CYP7B1: variants seen among roughly 807,000 people sequenced by gnomAD.
The protein encoded by CYP7B1 is cytochrome P450 7B1.
A neutral mutation model predicts 42.7 loss-of-function variants in CYP7B1; 29 were observed. That is an observed-to-expected ratio of 0.68 (90% CI 0.51 to 0.93). The LOEUF is 0.93. Among genes scored for constraint, CYP7B1 ranks in the 40% least tolerant of loss-of-function variants. CYP7B1 has a pLI of 0.00. For synonymous variants in CYP7B1, 235 were observed against 218.2 expected (o/e 1.08, Z -0.68); for missense variants, 655 against 600.5 (o/e 1.09, Z -0.95).
chr8:64,756,130 T>C (rs1807804532), intron 1 of CYP7B1, among the ~76,000 whole-genome samples: 2 of 152,174 alleles, frequency 1.3e-5, no homozygotes, highest in Admixed American at 6.5e-5. Flanking sequence ...ATGTCTGTAA[T>C]TCGACTTCAT....
chr8:64,686,036 G>C (rs1188074640), intron 1 of CYP7B1, among the ~76,000 whole-genome samples: 2 of 103,574 alleles, frequency 1.9e-5, no homozygotes, highest in African/African-American at 3.9e-5. Context: ...CAGCCACCCC[G>C]TCCGGGAGGG....
At chr8:64,683,457 G>A (rs145839558) in intron 1 of CYP7B1, among the ~76,000 whole-genome samples, 26 of 152,326 alleles carry the variant, frequency 1.7e-4, no homozygotes, top group Admixed American at 6.5e-5. Flanking sequence ...GGTAGTGGGA[G>A]TTGTGGGGGA....
chr8:64,742,165 G>T (rs1266596020), intron 1 of CYP7B1, among the ~76,000 whole-genome samples: 1 of 151,844 alleles, frequency 6.6e-6, no homozygotes, highest in East Asian at 1.9e-4. Flanking sequence ...ATTATGATCT[G>T]TACTGTCAAT....
intron 1 of CYP7B1, among the ~76,000 whole-genome samples, chr8:64,697,706 A>G (rs1367998505): frequency 1.3e-5 from 2 of 152,216 alleles, no homozygotes; most frequent in Admixed American, 6.5e-5. Context: ...ATGTTCACCA[A>G]TATGTACCCA....
intron 4 of CYP7B1, among the ~76,000 whole-genome samples, chr8:64,614,651 C>G (rs1349964703): frequency 6.6e-6 from 1 of 152,046 alleles, no homozygotes; most frequent in Non-Finnish European, 1.5e-5. Flanking sequence ...CACAGGGTGC[C>G]TTTTTTGCAA....
At chr8:64,629,180 CTG>C (rs985104628) in intron 1 of CYP7B1, among the ~76,000 whole-genome samples, 1 of 142,254 alleles carries the variant, frequency 7.0e-6, no homozygotes. Context: ...TGAGCTGAGA[CTG>C]TGCCATTGCA....
intron 4 of CYP7B1, among the ~76,000 whole-genome samples, chr8:64,614,598 T>G (rs1585806876): frequency 6.6e-6 from 1 of 152,274 alleles, no homozygotes; most frequent in Non-Finnish European, 1.5e-5. Context: ...TAACCTGTGT[T>G]TGAAAATATA....
intron 1 of CYP7B1, among the ~76,000 whole-genome samples, chr8:64,770,040 C>T (rs778763456): frequency 2.0e-5 from 3 of 152,024 alleles, no homozygotes; most frequent in South Asian, 2.1e-4. Flanking sequence ...TGTGTGTGTG[C>T]GTGTGTGGAC....
intron 1 of CYP7B1, among the ~76,000 whole-genome samples, chr8:64,748,174 G>T (rs1261363480): frequency 6.6e-6 from 1 of 152,122 alleles, no homozygotes; most frequent in Non-Finnish European, 1.5e-5. Flanking sequence ...AGTCATCTTT[G>T]CCCAGGACTG....
At chr8:64,643,154 CATATAT>C (rs1477432182) in intron 1 of CYP7B1, among the ~76,000 whole-genome samples, 29 of 91,144 alleles carry the variant, frequency 3.2e-4, no homozygotes, top group African/African-American at 1.3e-3. Context: ...TACATATATA[CATATAT>C]ACACATATAT....
chr8:64,730,604 A>C (rs1807394063), intron 1 of CYP7B1, among the ~76,000 whole-genome samples: 1 of 152,214 alleles, frequency 6.6e-6, no homozygotes, highest in Non-Finnish European at 1.5e-5. Context: ...AAGATCTGGC[A>C]GTTAAATGTA....
Position 64,616,278 on chromosome 8 carries a change from T to C in CYP7B1, c.263A>G (p.Lys88Arg). The stretch of plus-strand genomic sequence containing the variant: ...GGGGTCCAGGATAAATGTTATGTAC[T>C]TTCCTAGAAAAAAAAAAAGAGAGAG... ...GDTFTVLLGG[K>R]YITFILDPFQ... Residue 88 changes from lysine (K) to arginine (R), a missense_variant, in exon 3 of 6, where the codon AAG becomes AGG. Physicochemically the swap from Lys to Arg is conservative, Grantham distance 26. Transcript: ENST00000310193. The C allele has an allele frequency of 6.4e-7, 1 of 1,569,388 alleles. No homozygotes were observed. The highest frequency in any genetic ancestry group is 1.7e-5 in the Admixed American group (1 of 57,864).
chr8:64,675,392 C>G (rs1288975407), intron 1 of CYP7B1, among the ~76,000 whole-genome samples: 1 of 151,254 alleles, frequency 6.6e-6, no homozygotes, highest in Non-Finnish European at 1.5e-5. Context: ...ACAATGAAAA[C>G]TGCAAGATGT....
At chr8:64,702,275 T>G (rs998492850) in intron 1 of CYP7B1, among the ~76,000 whole-genome samples, 1 of 152,034 alleles carries the variant, frequency 6.6e-6, no homozygotes, top group South Asian at 2.1e-4. Flanking sequence ...AACTCTATAG[T>G]AGTTATGAAA....
At chr8:64,686,443 G>C (rs1251591829) in intron 1 of CYP7B1, among the ~76,000 whole-genome samples, 3 of 41,096 alleles carry the variant, frequency 7.3e-5, no homozygotes, top group African/African-American at 2.3e-4. Flanking sequence ...CGCCCCGTCC[G>C]GGAGGGAGGT....
chr8:64,776,553 A>G (rs1254195418), intron 1 of CYP7B1, among the ~76,000 whole-genome samples: 4 of 152,122 alleles, frequency 2.6e-5, no homozygotes, highest in Non-Finnish European at 5.9e-5. Context: ...AGACAATTCA[A>G]TCGTGTTCCT....
At chr8:64,756,853 T>TA (rs894839139) in intron 1 of CYP7B1, among the ~76,000 whole-genome samples, 4 of 152,212 alleles carry the variant, frequency 2.6e-5, no homozygotes, top group Admixed American at 2.6e-4. Context: ...TTCAAGCACT[T>TA]ACGGAAAATA....
chr8:64,731,017 A>T (rs1173051170), intron 1 of CYP7B1, among the ~76,000 whole-genome samples: 1 of 152,136 alleles, frequency 6.6e-6, no homozygotes, highest in Non-Finnish European at 1.5e-5. Flanking sequence ...GTGAAGAACG[A>T]TGAGTCTGCT....
At chr8:64,794,931 A>T (rs1199439139) in intron 1 of CYP7B1, among the ~76,000 whole-genome samples, 1 of 152,210 alleles carries the variant, frequency 6.6e-6, no homozygotes, top group African/African-American at 2.4e-5. Context: ...TAGTGCTTCC[A>T]ATCAATAGAC....
Sources: allele counts gnomAD v4.1 joint callset (sites outside exome capture counted in the v4.1 genomes callset), GRCh38; gene constraint gnomAD v4.1.1; transcripts MANE v1.5; gene names NCBI Gene and HGNC (gene_info 2026-07-23, HGNC 2026-07-21).